HS2ST1: variants seen among roughly 807,000 people sequenced by gnomAD.
The protein encoded by HS2ST1 is 2-O-sulfotransferase.
Under a neutral mutation model 42.9 loss-of-function variants are expected in HS2ST1, and 18 were observed. That is an observed-to-expected ratio of 0.42 (90% confidence interval 0.29 to 0.62). The LOEUF is 0.62. Among genes scored for constraint, HS2ST1 ranks in the 20% least tolerant of loss-of-function variants. The probability of loss-of-function intolerance (pLI) is 0.21; values close to 1 mark genes in which losing one functional copy is unlikely to be tolerated. For synonymous variants in HS2ST1, 146 were observed against 152.9 expected (o/e 0.95, Z 0.33); for missense variants, 334 against 433.8 (o/e 0.77, Z 2.04).
intron 2 of HS2ST1, among the ~76,000 whole-genome samples, chr1:87,076,444 T>C (rs769751645): frequency 7.9e-5 from 12 of 152,206 alleles, no homozygotes; most frequent in Non-Finnish European, 1.3e-4. Flanking sequence ...AATTAGTGAA[T>C]CTAGGTGAAG....
chr1:86,923,374 G>T (rs1367963368), intron 1 of HS2ST1, among the ~76,000 whole-genome samples: 1 of 150,932 alleles, frequency 6.6e-6, no homozygotes, highest in Non-Finnish European at 1.5e-5. Context: ...GGCAAAAAAT[G>T]AGAAAGCTTA....
chr1:87,006,943 C>G (rs1361480010), intron 1 of HS2ST1, among the ~76,000 whole-genome samples: 4 of 152,000 alleles, frequency 2.6e-5, no homozygotes, highest in East Asian at 1.9e-4. Context: ...TACTTTTTTT[C>G]TCTACAGAAT....
chr1:87,035,813 CTT>C (rs769101785), intron 1 of HS2ST1, among the ~76,000 whole-genome samples: 2 of 140,868 alleles, frequency 1.4e-5, no homozygotes, highest in Admixed American at 7.2e-5. Context: ...AGACGAAAGA[CTT>C]TTTTTTTTTT....
intron 1 of HS2ST1, among the ~76,000 whole-genome samples, chr1:87,057,157 A>G (rs1650990783): frequency 6.6e-6 from 1 of 152,246 alleles, no homozygotes; most frequent in Admixed American, 6.5e-5. Context: ...TCACAAAATC[A>G]TGTCATTTAT....
At chr1:86,964,348 A>G (rs1570450828) in intron 1 of HS2ST1, among the ~76,000 whole-genome samples, 1 of 152,348 alleles carries the variant, frequency 6.6e-6, no homozygotes, top group East Asian at 1.9e-4. Context: ...CCTGGGCAAC[A>G]TTGAGCACTG....
At chr1:87,021,153 T>C (rs1024259848) in intron 1 of HS2ST1, among the ~76,000 whole-genome samples, 4 of 152,026 alleles carry the variant, frequency 2.6e-5, no homozygotes. Flanking sequence ...CCATTACATA[T>C]AAAAAAAATT....
chr1:87,048,207 G>C (rs1021766301), intron 1 of HS2ST1, among the ~76,000 whole-genome samples: 1 of 152,094 alleles, frequency 6.6e-6, no homozygotes, highest in African/African-American at 2.4e-5. Context: ...CTGATTATCT[G>C]TTATTAGTAA....
In HS2ST1 at chr1:86,985,411, CAT is replaced by C. The variant is rs1267285197; in HGVS notation, c.124+70259_124+70260del. Reference sequence around the variant, plus strand: ...ACACACACACACACATATATATACACATATATATACACATATATACACACATA... The same window carrying C: ...ACACACACACACACATATATATACACATATATACACATATATACACACATA... On this transcript the variant is annotated intron_variant, in intron 1 of 6. Coordinates refer to ENST00000370550, the MANE Select transcript of HS2ST1 (RefSeq NM_012262.4). Among the ~76,000 whole-genome samples, 21 of 50,458 alleles carry C rather than the reference CAT, an allele frequency of 4.2e-4. 2 individuals are homozygous for C. Among genetic ancestry groups the C allele is most frequent in the African/African-American group, 8.0e-4 (18 of 22,386 alleles). The allele number at this position is 50,458 out of a possible 152,430, so 33.1% of individuals were successfully genotyped here.
At position 86,938,089 on chromosome 1, in the gene HS2ST1, C is replaced by G. The variant is rs567948247; in HGVS notation, c.124+22929C>G. Among the ~76,000 whole-genome samples, 3 of 151,776 alleles carry G rather than the reference C, an allele frequency of 2.0e-5. No homozygotes were observed. The East Asian group carries it at 5.8e-4, about 29-fold the overall frequency. The stretch of plus-strand genomic sequence containing the variant: ...TGTAACATTCATATTCTGAAATCCT[C>G]TGGAAGGAAACAGTAAGATTATATG... On this transcript the variant is annotated intron_variant, in intron 1 of 6. Coordinates refer to ENST00000370550, the MANE Select transcript of HS2ST1 (RefSeq NM_012262.4).
At chr1:87,067,805 C>T (rs1651292426) in intron 1 of HS2ST1, among the ~76,000 whole-genome samples, 1 of 152,190 alleles carries the variant, frequency 6.6e-6, no homozygotes, top group African/African-American at 2.4e-5. Context: ...GTTTTCCCAA[C>T]ACCGCTTATT....
chr1:87,024,854 C>A (rs912150407), intron 1 of HS2ST1, among the ~76,000 whole-genome samples: 1 of 152,110 alleles, frequency 6.6e-6, no homozygotes, highest in African/African-American at 2.4e-5. Context: ...ATTTATACAT[C>A]TGTGTTTCAA....
chr1:86,982,984 A>G (rs1165258029), intron 1 of HS2ST1, among the ~76,000 whole-genome samples: 1 of 152,060 alleles, frequency 6.6e-6, no homozygotes, highest in East Asian at 1.9e-4. Context: ...CCAATAAATT[A>G]CTCGTCTGCA....
rs979103621 is a variant in HS2ST1, at chr1:87,109,047, A to G, written c.*4351A>G. ...TTCATTTATGCAAATTCTGTTTCCA[A>G]CTTGAAACCATTTTGTCACATCTGT... On this transcript the variant is annotated 3_prime_UTR_variant, in exon 7 of 7. Transcript: ENST00000370550. The G allele has an allele frequency of 6.6e-6, 1 of 152,348 alleles. No individual in the cohort carries two copies. The highest frequency in any genetic ancestry group is 1.5e-5 in the Non-Finnish European group (1 of 67,918). 9.4% of individuals were successfully genotyped at this position (152,348 alleles called of 1,614,324 possible).
chr1:87,063,716 T>C (rs1651175246), intron 1 of HS2ST1, among the ~76,000 whole-genome samples: 1 of 152,196 alleles, frequency 6.6e-6, no homozygotes, highest in Admixed American at 6.5e-5. Flanking sequence ...GGTTCAAGCA[T>C]GTTCATAATT....
chr1:86,987,378 T>G (rs1427281706), intron 1 of HS2ST1, among the ~76,000 whole-genome samples: 1 of 152,020 alleles, frequency 6.6e-6, no homozygotes, highest in Non-Finnish European at 1.5e-5. Context: ...CTGGCCCAAC[T>G]AGGGTTCTTA....
chr1:86,946,147 G>A (rs1305760133), intron 1 of HS2ST1, among the ~76,000 whole-genome samples: 3 of 152,014 alleles, frequency 2.0e-5, no homozygotes, highest in African/African-American at 2.4e-5. Context: ...TAATCCAAAC[G>A]TAGCATTGTT....
At chr1:86,985,349 A>C (rs28425638) in intron 1 of HS2ST1, among the ~76,000 whole-genome samples, 68,399 of 77,634 alleles carry the variant, frequency 0.88, 30,620 homozygotes, top group East Asian at 0.99. Flanking sequence ...CGAGACTTGT[A>C]TCAAAAAAAA....
At chr1:87,004,358 T>G (rs1194980478) in intron 1 of HS2ST1, among the ~76,000 whole-genome samples, 1 of 152,164 alleles carries the variant, frequency 6.6e-6, no homozygotes, top group Non-Finnish European at 1.5e-5. Context: ...GCCACTGTGC[T>G]CCAGCCTGGG....
chr1:86,948,835 G>A (rs1213013938), intron 1 of HS2ST1, among the ~76,000 whole-genome samples: 2 of 152,102 alleles, frequency 1.3e-5, no homozygotes, highest in African/African-American at 2.4e-5. Flanking sequence ...TTTTCTAAAT[G>A]TACTTTGTTC....
Sources: allele counts gnomAD v4.1 joint callset (sites outside exome capture counted in the v4.1 genomes callset), GRCh38; gene constraint gnomAD v4.1.1; transcripts MANE v1.5; gene names NCBI Gene and HGNC (gene_info 2026-07-23, HGNC 2026-07-21).